ORC3: variants seen among roughly 807,000 people sequenced by gnomAD.
ORC3 encodes the protein origin recognition complex subunit 3.
ORC3 carries 78 observed loss-of-function variants against 100.7 expected under a neutral mutation model. The ratio of observed to expected loss-of-function variants is 0.77; its 90% CI spans 0.65 to 0.94. The LOEUF is 0.94. Among genes scored for constraint, ORC3 ranks in the 40% least tolerant of loss-of-function variants. The pLI, the probability that ORC3 is intolerant of heterozygous loss-of-function variation, is 0.00. For synonymous variants in ORC3, 295 were observed against 289.3 expected (o/e 1.02, Z -0.20); for missense variants, 789 against 823.9 (o/e 0.96, Z 0.52).
Position 87,645,984 on chromosome 6 carries a change from C to CTTTTT in ORC3, c.1383-7126_1383-7122dup, listed in dbSNP as rs747686139. Among the ~76,000 whole-genome samples the CTTTTT allele has an allele frequency of 1.0e-4, 13 of 126,998 alleles. 1 individual carries two copies. Among genetic ancestry groups the CTTTTT allele is most frequent in the Non-Finnish European group, 8.3e-5 (5 of 60,098 alleles). 83.3% of individuals were successfully genotyped at this position (126,998 alleles called of 152,430 possible). On this transcript the variant is annotated intron_variant, in intron 13 of 19. Transcript: ENST00000392844. ...GTGAAATAATTTTTTCTTTTTTTTT[C>CTTTTT]TTTTTTTTTTCTTTTTTTTTGAGGC... is the stretch of plus-strand genomic sequence containing the variant.
chr6:87,611,517 T>G (rs1374727321), intron 7 of ORC3, among the ~76,000 whole-genome samples: 1 of 152,138 alleles, frequency 6.6e-6, no homozygotes, highest in Non-Finnish European at 1.5e-5. Flanking sequence ...CCGGGCATGG[T>G]GGCTCACGCC....
intron 2 of ORC3, among the ~76,000 whole-genome samples, chr6:87,597,722 AT>A (rs1031715818): frequency 3.4e-5 from 5 of 148,446 alleles, no homozygotes; most frequent in South Asian, 4.3e-4. Context: ...TATATATATA[AT>A]TTTTTTTTAA....
At chr6:87,669,708 T>A (rs1427485254), downstream of ORC3, among the ~76,000 whole-genome samples, 1 of 152,248 alleles carries the variant, frequency 6.6e-6, no homozygotes, top group Admixed American at 6.5e-5. Context: ...GTCATTCTTC[T>A]TCTAGTCTTG....
intron 2 of ORC3, among the ~76,000 whole-genome samples, chr6:87,600,074 T>A (rs1180256783): frequency 1.3e-5 from 2 of 152,226 alleles, no homozygotes; most frequent in Non-Finnish European, 2.9e-5. Flanking sequence ...ATGACTTCAA[T>A]GTATTCCAAG....
intron 3 of ORC3, among the ~76,000 whole-genome samples, chr6:87,602,556 G>A (rs1204302149): frequency 1.3e-5 from 2 of 150,892 alleles, no homozygotes; most frequent in Non-Finnish European, 2.9e-5. Context: ...TATTACTGCC[G>A]CCTACCAGTC....
chr6:87,667,822 G>A (rs61307737), downstream of ORC3, among the ~76,000 whole-genome samples: 70 of 152,166 alleles, frequency 4.6e-4, no homozygotes, highest in African/African-American at 1.6e-3. Flanking sequence ...CCAGCTACTC[G>A]GGAGCCTGAG....
chr6:87,633,538 C>T (rs752336386), intron 11 of ORC3, among the ~76,000 whole-genome samples: 1 of 152,086 alleles, frequency 6.6e-6, no homozygotes, highest in Non-Finnish European at 1.5e-5. Flanking sequence ...AGATCGTTGA[C>T]CAAGGAATTG....
rs376313351 is a variant in ORC3, at chr6:87,652,088, C to T, written c.1383-1028C>T. On this transcript the variant is annotated intron_variant, in intron 13 of 19. Coordinates refer to ENST00000392844, the MANE Select transcript of ORC3 (RefSeq NM_012381.4). ...TAATTTTTTATAATTTTAGTAGAGA[C>T]GAGGTTTCACCGTGGTAGCCAGGAT... Among the ~76,000 whole-genome samples, 35 of 152,030 alleles carry T rather than the reference C, an allele frequency of 2.3e-4. No homozygotes were observed. In the East Asian group the frequency reaches 6.6e-3, roughly 29 times the overall value.
intron 16 of ORC3, among the ~76,000 whole-genome samples, chr6:87,662,514 G>T (rs779458744): frequency 2.8e-4 from 43 of 152,272 alleles, no homozygotes; most frequent in Non-Finnish European, 5.7e-4. Context: ...AAAATTTTCT[G>T]TGATCCAAGA....
intron 13 of ORC3, among the ~76,000 whole-genome samples, chr6:87,647,108 C>G (rs1240788607): frequency 3.3e-5 from 5 of 152,208 alleles, no homozygotes; most frequent in Non-Finnish European, 7.4e-5. Context: ...TGCTCCCCTA[C>G]AGGTTCTTCT....
intron 16 of ORC3, among the ~76,000 whole-genome samples, chr6:87,661,938 A>G (rs1232224555): frequency 6.6e-6 from 1 of 152,178 alleles, no homozygotes; most frequent in Non-Finnish European, 1.5e-5. Flanking sequence ...CATGCAAAGC[A>G]AATTTTTAAT....
rs769706558 is a variant in ORC3, at chr6:87,664,746, G to A, written c.1837G>A (p.Glu613Lys). 6.2e-7 allele frequency: 1 copy of A among 1,612,392 alleles called. No homozygotes were observed. Residue 613 changes from glutamate to lysine, a missense_variant, in exon 18 of 20, where the codon GAA becomes AAA. Coordinates refer to ENST00000392844, the MANE Select transcript of ORC3 (RefSeq NM_012381.4). ...TTAGTTTACTGTTAATTGTTAGAAT[G>A]AAGCACTGAAAAGCGAAGAAGGCTG... ...LNNPYYYLKNEALKSEEGCIP... is the reference protein window; with the variant it reads ...LNNPYYYLKNKALKSEEGCIP...
chr6:87,608,830 T>C lies in ORC3; in HGVS notation c.580-266T>C, dbSNP rs185226352. ...TTTGTAGAAAATTTCCTCTTCCATG[T>C]TTTTTTCTGTCATTTCCTTAGCAGA... is the stretch of plus-strand genomic sequence containing the variant. On this transcript the variant is annotated intron_variant, in intron 6 of 19. Coordinates refer to ENST00000392844, the MANE Select transcript of ORC3 (RefSeq NM_012381.4). Among the ~76,000 whole-genome samples, 333 of 152,312 alleles carry C rather than the reference T, an allele frequency of 2.2e-3. 2 individuals carry two copies. Among genetic ancestry groups the C allele is most frequent in the South Asian group, 0.02 (95 of 4,828 alleles).
Position 87,663,072 on chromosome 6 carries a change from T to A in ORC3, c.1761T>A (p.Leu587=). The change falls in exon 17 of 20, where the codon CTT becomes CTA. Residue 587 remains leucine, a synonymous_variant. Coordinates refer to ENST00000392844, the MANE Select transcript of ORC3 (RefSeq NM_012381.4). ...TGTACTTCAGTGCTGCCCATGCCCTTCGTGAGCATTTAAATGCTGCTCCGC... is the reference window on the plus strand; with the variant it reads ...TGTACTTCAGTGCTGCCCATGCCCTACGTGAGCATTTAAATGCTGCTCCGC... ...EVVYFSAAHA[L]REHLNAAPRI... 1 of 1,612,482 alleles carries A rather than the reference T, an allele frequency of 6.2e-7. No homozygotes were observed.
At chr6:87,642,890 A>G (rs1441484127) in intron 13 of ORC3, among the ~76,000 whole-genome samples, 1 of 152,190 alleles carries the variant, frequency 6.6e-6, no homozygotes, top group Non-Finnish European at 1.5e-5. Context: ...CGACAGAGCA[A>G]AACTCTGTCT....
chr6:87,623,718 T>TA (rs1247429637), intron 11 of ORC3, among the ~76,000 whole-genome samples: 1 of 152,080 alleles, frequency 6.6e-6, no homozygotes, highest in Non-Finnish European at 1.5e-5. Flanking sequence ...ACCCCATCTC[T>TA]ACTAAAAATA....
chr6:87,667,042 T>C lies in ORC3; in HGVS notation c.2055T>C (p.Ser685=). 3 of 1,612,314 alleles carry C rather than the reference T, an allele frequency of 1.9e-6. No homozygotes were observed. Among genetic ancestry groups the C allele is most frequent in the Non-Finnish European group, 1.7e-6 (2 of 1,179,160 alleles). Residue 685 remains serine, a synonymous_variant, in exon 20 of 20, where the codon TCT becomes TCC. Transcript: ENST00000392844. The stretch of plus-strand genomic sequence containing the variant: ...GTGCTCGGTTTATTAGAGCTGTTTC[T>C]GAACTAGAACTTTTAGGATTTATAA... ...IIHARFIRAV[S]ELELLGFIKP...
rs1253388170 is a variant in ORC3 at position 87,606,039 on chromosome 6, A to G, written c.427+18A>G. ...TTGTCCAGGTAAAAATATAAATGCC[A>G]TAATAACCTTGATGAGATGTTACAG... On this transcript the variant is annotated intron_variant, in intron 5 of 19. Transcript: ENST00000392844. 5 of 1,256,344 alleles carry G rather than the reference A, an allele frequency of 4.0e-6. No homozygotes were observed. Among genetic ancestry groups the G allele is most frequent in the Non-Finnish European group, 5.8e-6 (5 of 858,472 alleles). 77.8% of individuals were successfully genotyped at this position (1,256,344 alleles called of 1,614,324 possible). A position where few individuals can be genotyped will look rare whatever the true frequency, so the allele number is the denominator to read the frequency against.
At chr6:87,633,146 G>A (rs1011364388) in intron 11 of ORC3, among the ~76,000 whole-genome samples, 1 of 152,070 alleles carries the variant, frequency 6.6e-6, no homozygotes, top group South Asian at 2.1e-4. Flanking sequence ...ATTCCACAAG[G>A]CAAAAGAAAA....
Sources: allele counts gnomAD v4.1 joint callset (sites outside exome capture counted in the v4.1 genomes callset), GRCh38; gene constraint gnomAD v4.1.1; transcripts MANE v1.5; gene names NCBI Gene and HGNC (gene_info 2026-07-23, HGNC 2026-07-21).